The following KIF11 variants were observed in gnomAD, a reference collection of about 807,000 sequenced individuals.
The protein encoded by KIF11 is kinesin-like protein KIF11.
Under a neutral mutation model 121.0 loss-of-function variants are expected in KIF11, and 9 were observed. The observed-to-expected ratio is 0.07, with a 90% CI of 0.04 to 0.13. The LOEUF (loss-of-function observed/expected upper bound fraction) is 0.13. Among genes scored for constraint, KIF11 ranks in the 10% least tolerant of loss-of-function variants. The pLI is 1.00. For missense variants in KIF11, 846 were observed against 1,217.5 expected (o/e 0.69, Z 4.54); for synonymous variants, 408 against 421.0 (o/e 0.97, Z 0.38).
At chr10:92,608,707 G>A (rs1192713265) in intron 4 of KIF11, among the ~76,000 whole-genome samples, 1 of 152,170 alleles carries the variant, frequency 6.6e-6, no homozygotes, top group Non-Finnish European at 1.5e-5. Flanking sequence ...AAAGTGCTGG[G>A]ATTATAGGCG....
chr10:92,650,798 C>A (rs1844971994), intron 21 of KIF11, among the ~76,000 whole-genome samples: 1 of 152,074 alleles, frequency 6.6e-6, no homozygotes, highest in African/African-American at 2.4e-5. Context: ...TACTCAGACA[C>A]TGAGAGCAGT....
intron 9 of KIF11, among the ~76,000 whole-genome samples, chr10:92,618,640 T>A: frequency 8.5e-6 from 1 of 117,654 alleles, no homozygotes. Flanking sequence ...TGAGGCTCTG[T>A]CTCAAAAAAA....
intron 2 of KIF11, 43 bp downstream of exon 2, chr10:92,606,440 TA>T: frequency 6.8e-7 from 1 of 1,478,842 alleles, no homozygotes; most frequent in South Asian, 1.3e-5. Flanking sequence ...TAATGTAAAA[TA>T]ATTTTAATAT....
intron 13 of KIF11, 127 bp downstream of exon 13, chr10:92,632,820 C>G (rs1844753807): frequency 2.0e-6 from 1 of 510,514 alleles, no homozygotes; most frequent in African/African-American, 2.0e-5. Context: ...ACTATTTGTT[C>G]AGGGTGAAGA....
chr10:92,611,181 T>G (rs953385621), intron 6 of KIF11, among the ~76,000 whole-genome samples: 14 of 152,060 alleles, frequency 9.2e-5, no homozygotes, highest in African/African-American at 3.4e-4. Flanking sequence ...GGGTAGATAA[T>G]GGTAGAAAAA....
At chr10:92,632,720 C>T in intron 13 of KIF11, 27 bp downstream of exon 13, 1 of 1,407,244 alleles carries the variant, frequency 7.1e-7, no homozygotes, top group Non-Finnish European at 9.8e-7. Context: ...CTGTTCTAGT[C>T]TTGATGTGTT....
chr10:92,651,661 C>T (rs1040180523), intron 21 of KIF11, among the ~76,000 whole-genome samples: 1 of 151,212 alleles, frequency 6.6e-6, no homozygotes, highest in African/African-American at 2.4e-5. Flanking sequence ...GCCACCGGCC[C>T]GGCCCCTCCT....
chr10:92,609,303 A>AGAGAGTGT (rs1372794402), intron 5 of KIF11, 82 bp from the exon 6 acceptor site: 25 of 382,604 alleles, frequency 6.5e-5, no homozygotes, highest in South Asian at 2.0e-4. Flanking sequence ...AGAGAGAGAG[A>AGAGAGTGT]GTGTGTGTGT....
At chr10:92,626,981 C>T (rs1340075086) in intron 10 of KIF11, among the ~76,000 whole-genome samples, 1 of 152,176 alleles carries the variant, frequency 6.6e-6, no homozygotes, top group Non-Finnish European at 1.5e-5. Context: ...CCAGGATGGT[C>T]TTGATCTGCT....
chr10:92,594,188 G>T (rs982476911), intron 1 of KIF11, among the ~76,000 whole-genome samples: 3 of 152,154 alleles, frequency 2.0e-5, no homozygotes, highest in African/African-American at 7.2e-5. Context: ...TGTGTGTTTT[G>T]TGTGTCCGTT....
intron 8 of KIF11, among the ~76,000 whole-genome samples, chr10:92,615,761 G>A (rs1437565916): frequency 6.6e-6 from 1 of 151,364 alleles, no homozygotes; most frequent in Non-Finnish European, 1.5e-5. Context: ...TGTTTTCAAG[G>A]TTCATCTGTG....
intron 4 of KIF11, among the ~76,000 whole-genome samples, chr10:92,608,351 A>T (rs1346499189): frequency 6.6e-6 from 1 of 152,062 alleles, no homozygotes; most frequent in Non-Finnish European, 1.5e-5. Flanking sequence ...AACTTACTTT[A>T]CATATATAGA....
At position 92,633,780 on chromosome 10, in the gene KIF11, A is replaced by G. The variant is rs1288350898; in HGVS notation, c.1860A>G (p.Val620=). ...CATTAGCAGCAGAAAGTAAAACTGTACTACAGGAATTGATTGTTAGTACAT... is the reference window on the plus strand; with the variant it reads ...CATTAGCAGCAGAAAGTAAAACTGTGCTACAGGAATTGATTGTTAGTACAT... ...EQSLAAESKT[V]LQELINVLKT... The change falls in exon 14 of 22, where the codon GTA becomes GTG. Residue 620 remains valine, a synonymous_variant. Coordinates refer to ENST00000260731, the MANE Select transcript of KIF11 (RefSeq NM_004523.4). 1 of 1,581,608 alleles carries G rather than the reference A, an allele frequency of 6.3e-7. No individual in the cohort carries two copies. Among genetic ancestry groups the G allele is most frequent in the African/African-American group, 1.4e-5 (1 of 73,882 alleles).
At chr10:92,647,873 T>G (rs1844936495) in intron 18 of KIF11, among the ~76,000 whole-genome samples, 1 of 151,922 alleles carries the variant, frequency 6.6e-6, no homozygotes, top group African/African-American at 2.4e-5. Context: ...TCTTTGGAGG[T>G]CAAGGTGGGC....
At chr10:92,632,742 T>A in intron 13 of KIF11, 49 bp downstream of exon 13, 1 of 1,180,068 alleles carries the variant, frequency 8.5e-7, no homozygotes, top group Non-Finnish European at 1.2e-6. Flanking sequence ...AGTGTAATGT[T>A]GATTTCAAAA....
At chr10:92,612,283 G>A (rs759049595) in intron 6 of KIF11, among the ~76,000 whole-genome samples, 3 of 151,870 alleles carry the variant, frequency 2.0e-5, no homozygotes, top group South Asian at 4.1e-4. Context: ...CTGTAGGAGC[G>A]TGCCACCACG....
chr10:92,593,197 C>T lies in KIF11; in HGVS notation c.-179C>T. The stretch of plus-strand genomic sequence containing the variant: ...GGCTCCGACTGGCGCGGGACAAACG[C>T]CACGGCCAGAGTACCGGGTAGAGAG... On this transcript the variant is annotated 5_prime_UTR_variant, in exon 1 of 22. Coordinates refer to ENST00000260731, the MANE Select transcript of KIF11 (RefSeq NM_004523.4). The T allele has an allele frequency of 5.3e-6, 3 of 569,400 alleles. No individual in the cohort carries two copies. The highest frequency in any genetic ancestry group is 4.5e-5 in the South Asian group (2 of 44,296). 35.3% of individuals were successfully genotyped at this position (569,400 alleles called of 1,614,324 possible). A position where few individuals can be genotyped will look rare whatever the true frequency, so the allele number is the denominator to read the frequency against.
chr10:92,614,059 CACACACAT>C (rs1487630650), intron 8 of KIF11, among the ~76,000 whole-genome samples: 67 of 122,402 alleles, frequency 5.5e-4, no homozygotes, highest in African/African-American at 1.8e-3. Context: ...CACACACACA[CACACACAT>C]ATAGTAGGGA....
intron 1 of KIF11, among the ~76,000 whole-genome samples, chr10:92,595,309 C>T (rs966919210): frequency 1.3e-5 from 2 of 152,216 alleles, no homozygotes; most frequent in African/African-American, 2.4e-5. Context: ...ATCCACCCAC[C>T]TTGGCCTCCC....
Sources: allele counts gnomAD v4.1 joint callset (sites outside exome capture counted in the v4.1 genomes callset), GRCh38; gene constraint gnomAD v4.1.1; transcripts MANE v1.5; gene names NCBI Gene and HGNC (gene_info 2026-07-23, HGNC 2026-07-21).